MICAL3: variants seen among roughly 807,000 people sequenced by gnomAD.
The protein encoded by MICAL3 is [F-actin]-monooxygenase MICAL3.
MICAL3 carries 62 observed loss-of-function variants against 207.4 expected under a neutral mutation model. The observed-to-expected ratio is 0.30, with a 90% CI of 0.24 to 0.37. The LOEUF (loss-of-function observed/expected upper bound fraction) is 0.37, where lower values mean the gene tolerates loss of function less well. Ranked by LOEUF, MICAL3 falls within the 10% of genes least tolerant of loss-of-function variation. MICAL3 has a pLI of 1.00. For synonymous variants in MICAL3, 1,077 were observed against 1,069.3 expected, an observed-to-expected ratio of 1.01 and a Z score of -0.14; for missense variants, 2,368 against 2,635.6, an observed-to-expected ratio of 0.90 and a Z score of 2.22.
intron 27 of MICAL3, chr22:17,813,568 A>T (rs941970784): frequency 2.6e-5 from 4 of 152,280 alleles, no homozygotes; most frequent in African/African-American, 9.6e-5. Context: ...CCGGTTCAGA[A>T]AAAGAGACAG....
chr22:17,856,814 G>A (rs890570339), intron 19 of MICAL3, among the ~76,000 whole-genome samples: 1 of 151,910 alleles, frequency 6.6e-6, no homozygotes, highest in African/African-American at 2.4e-5. Flanking sequence ...GTAGAGACGG[G>A]GTTTCACCTT....
At chr22:17,852,815 C>T (rs1602057390) in intron 19 of MICAL3, among the ~76,000 whole-genome samples, 1 of 152,206 alleles carries the variant, frequency 6.6e-6, no homozygotes, top group East Asian at 1.9e-4. Flanking sequence ...TGGCTCATGC[C>T]TGTCATCCCA....
intron 1 of MICAL3, among the ~76,000 whole-genome samples, chr22:17,919,333 G>A (rs540181661): frequency 1.2e-3 from 184 of 152,282 alleles, no homozygotes; most frequent in African/African-American, 4.2e-3. Context: ...TGGGATTACA[G>A]GTGTGAGCCA....
intron 27 of MICAL3, chr22:17,814,482 GATA>G (rs1357118879): frequency 1.3e-5 from 2 of 152,180 alleles, no homozygotes; most frequent in Non-Finnish European, 2.9e-5. Context: ...TTAACAATTT[GATA>G]ATATTACACA....
intron 29 of MICAL3, among the ~76,000 whole-genome samples, chr22:17,800,905 C>T (rs936439179): frequency 1.3e-5 from 2 of 152,156 alleles, no homozygotes; most frequent in Non-Finnish European, 2.9e-5. Flanking sequence ...CTGGCATTGC[C>T]GTCGTCCTCA....
intron 1 of MICAL3, among the ~76,000 whole-genome samples, chr22:18,012,156 A>G (rs968821103): frequency 2.6e-5 from 4 of 152,090 alleles, no homozygotes; most frequent in African/African-American, 9.7e-5. Context: ...AATCACTTGA[A>G]CTTGGGAGAC....
In MICAL3 at chr22:17,884,388, G is replaced by A. The variant is rs761836834; in HGVS notation, c.2241+1490C>T. The A allele has an allele frequency of 4.6e-6, 7 of 1,533,182 alleles. No individual in the cohort carries two copies. The South Asian group carries it at 8.4e-5, about 18-fold the overall frequency. The allele number at this position is 1,533,182 out of a possible 1,614,324, so 95.0% of individuals were successfully genotyped here. The stretch of plus-strand genomic sequence containing the variant: ...GACACACAGGCCAAGTGTGGGTGGG[G>A]ACAGGACATGGAGACAAAACAAAAT... On this transcript the variant is annotated intron_variant, in intron 16 of 31. Coordinates refer to ENST00000441493, the MANE Select transcript of MICAL3 (RefSeq NM_015241.3).
intron 20 of MICAL3, among the ~76,000 whole-genome samples, chr22:17,834,718 GA>G (rs1923179580): frequency 6.6e-6 from 1 of 152,192 alleles, no homozygotes; most frequent in South Asian, 2.1e-4. Flanking sequence ...CTGGGCCACG[GA>G]AAACTTGGCA....
At chr22:17,813,152 A>G (rs546627160) in intron 27 of MICAL3, 1 of 152,230 alleles carries the variant, frequency 6.6e-6, no homozygotes. Flanking sequence ...TACCATCAGT[A>G]AGTGCTGTTC....
At chr22:17,823,214 C>T (rs531889387) in intron 22 of MICAL3, among the ~76,000 whole-genome samples, 154 bp from the exon 23 acceptor site, 29 of 152,362 alleles carry the variant, frequency 1.9e-4, no homozygotes, top group African/African-American at 5.8e-4. Flanking sequence ...GCTCTCCACA[C>T]GTAGCATGGG....
At chr22:17,976,574 TATATA>T (rs1935652870) in intron 1 of MICAL3, among the ~76,000 whole-genome samples, 5 of 95,232 alleles carry the variant, frequency 5.3e-5, no homozygotes, top group African/African-American at 2.5e-4. Context: ...TATATATATA[TATATA>T]TATATATATA....
At chr22:17,889,438 T>C (rs1265510813) in intron 12 of MICAL3, among the ~76,000 whole-genome samples, 2 of 152,098 alleles carry the variant, frequency 1.3e-5, no homozygotes, top group Non-Finnish European at 2.9e-5. Flanking sequence ...CAGGAAGTGA[T>C]GAAAGGTCTA....
intron 1 of MICAL3, among the ~76,000 whole-genome samples, chr22:17,981,869 G>A (rs1402347453): frequency 6.6e-6 from 1 of 152,188 alleles, no homozygotes; most frequent in African/African-American, 2.4e-5. Flanking sequence ...CACACCTGCT[G>A]AGGTACAAGG....
intron 19 of MICAL3, among the ~76,000 whole-genome samples, chr22:17,856,632 TGAGACG>T: frequency 1.0e-5 from 1 of 97,586 alleles, no homozygotes; most frequent in East Asian, 3.2e-4. Flanking sequence ...TTTTTTTTTT[TGAGACG>T]GAGTCTCGCT....
At chr22:17,932,139 T>C (rs963247801) in intron 1 of MICAL3, among the ~76,000 whole-genome samples, 12 of 152,124 alleles carry the variant, frequency 7.9e-5, no homozygotes, top group African/African-American at 2.9e-4. Flanking sequence ...ACCACAAAGA[T>C]ACTCCTTGAG....
intron 19 of MICAL3, among the ~76,000 whole-genome samples, chr22:17,847,289 T>C (rs75581182): frequency 9.2e-5 from 14 of 152,370 alleles, no homozygotes; most frequent in Admixed American, 2.0e-4. Flanking sequence ...CCACTTCTTT[T>C]TCCTTTCCTT....
chr22:17,827,637 T>A lies in MICAL3; in HGVS notation c.3193+7A>T. 6.4e-7 allele frequency: 1 copy of A among 1,554,910 alleles called. No individual in the cohort carries two copies. On this transcript the variant is annotated splice_region_variant and intron_variant, in intron 22 of 31. Coordinates refer to ENST00000441493, the MANE Select transcript of MICAL3 (RefSeq NM_015241.3). The stretch of plus-strand genomic sequence containing the variant: ...GCACACTGCGGCCTGGGGCTGGGAG[T>A]GTTTACCTCCGGAAGCAGAGGACTC...
At chr22:17,933,069 G>A (rs971430733) in intron 1 of MICAL3, among the ~76,000 whole-genome samples, 3 of 152,146 alleles carry the variant, frequency 2.0e-5, no homozygotes, top group African/African-American at 7.2e-5. Context: ...CAACGAGACA[G>A]AAGGTTAACC....
chr22:18,013,779 A>T (rs1243814364), intron 1 of MICAL3, among the ~76,000 whole-genome samples: 1 of 152,096 alleles, frequency 6.6e-6, no homozygotes, highest in Non-Finnish European at 1.5e-5. Context: ...ATCCAAATAC[A>T]ATCTCTCTAT....
Sources: gnomAD v4.1 joint callset for allele counts (sites outside exome capture counted in the v4.1 genomes callset) on GRCh38, gnomAD v4.1.1 for gene constraint, MANE v1.5 for transcripts, NCBI Gene and HGNC (gene_info 2026-07-23, HGNC 2026-07-21) for gene names.